Variants in RPS6KC1 observed in about 807,000 individuals in gnomAD.
RPS6KC1 encodes ribosomal protein S6 kinase C1.
In RPS6KC1, 54 loss-of-function variants were observed where a neutral mutation model predicts 103.8. The ratio of observed to expected loss-of-function variants is 0.52; its 90% CI spans 0.42 to 0.65. The LOEUF (loss-of-function observed/expected upper bound fraction) is 0.65. Ranked by LOEUF, RPS6KC1 falls within the 30% of genes least tolerant of loss-of-function variation. The pLI is 0.00. For missense variants in RPS6KC1, 1,151 were observed against 1,253.8 expected (o/e 0.92, Z 1.24); for synonymous variants, 439 against 438.7 (o/e 1.00, Z -0.01).
chr1:213,285,770 G>T, the RPS6KC1 span, among the ~76,000 whole-genome samples: 1 of 152,104 alleles, frequency 6.6e-6, no homozygotes, highest in South Asian at 2.1e-4. Context: ...ATTAAGCTGT[G>T]GGGCTTTGGG....
the RPS6KC1 span, among the ~76,000 whole-genome samples, chr1:213,583,853 A>G: frequency 0.035 from 4,968 of 143,534 alleles, 132 homozygotes; most frequent in East Asian, 0.087. Context: ...AAAGAAAAAA[A>G]AAGAAAAAAA....
the RPS6KC1 span, among the ~76,000 whole-genome samples, chr1:213,692,408 T>G: frequency 6.8e-6 from 1 of 146,176 alleles, no homozygotes; most frequent in African/African-American, 2.5e-5. Context: ...AAAAAATAAA[T>G]AAAGTTTTAG....
At chr1:213,702,691 T>A in the RPS6KC1 span, among the ~76,000 whole-genome samples, 2 of 152,080 alleles carry the variant, frequency 1.3e-5, no homozygotes, top group Non-Finnish European at 2.9e-5. Context: ...TTCTTACAAT[T>A]TTTTTCTTGA....
chr1:213,834,678 A>G, the RPS6KC1 span, among the ~76,000 whole-genome samples: 1 of 151,562 alleles, frequency 6.6e-6, no homozygotes, highest in African/African-American at 2.4e-5. Flanking sequence ...TCACCTCCAT[A>G]GAGCCCTTCT....
intron 6 of RPS6KC1, among the ~76,000 whole-genome samples, chr1:213,136,487 T>C (rs778659260): frequency 1.6e-4 from 24 of 152,146 alleles, no homozygotes; most frequent in Non-Finnish European, 2.6e-4. Flanking sequence ...CATTGAAATG[T>C]TATCTTCTGC....
At chr1:213,075,498 A>C (rs183534846) in intron 2 of RPS6KC1, among the ~76,000 whole-genome samples, 3 of 152,294 alleles carry the variant, frequency 2.0e-5, no homozygotes, top group Non-Finnish European at 4.4e-5. Flanking sequence ...AAGCTAATAG[A>C]TCCTGCTCAG....
chr1:213,240,255 T>TC (rs1429275896), intron 10 of RPS6KC1, among the ~76,000 whole-genome samples: 1 of 152,128 alleles, frequency 6.6e-6, no homozygotes, highest in African/African-American at 2.4e-5. Flanking sequence ...TGTTGATTTT[T>TC]CCCCCCATTG....
the RPS6KC1 span, among the ~76,000 whole-genome samples, chr1:213,772,877 T>C: frequency 1.6e-4 from 24 of 152,324 alleles, no homozygotes; most frequent in Non-Finnish European, 3.5e-4. Flanking sequence ...CTCTCTGCTA[T>C]AAACTGCCTG....
At chr1:213,420,366 GGGATATGATGTGAGGCCCAGAGCAGA>G in the RPS6KC1 span, among the ~76,000 whole-genome samples, 1 of 152,178 alleles carries the variant, frequency 6.6e-6, no homozygotes, top group East Asian at 1.9e-4. Flanking sequence ...TGTGGGGTAT[GGGATATGATGTGAGGCCCAGAGCAGA>G]GGTGCACTCC....
chr1:213,375,212 T>C, the RPS6KC1 span, among the ~76,000 whole-genome samples: 1 of 151,494 alleles, frequency 6.6e-6, no homozygotes, highest in Non-Finnish European at 1.5e-5. Context: ...CACATATACA[T>C]ACATACATAT....
At chr1:213,479,528 T>A in the RPS6KC1 span, among the ~76,000 whole-genome samples, 3 of 152,210 alleles carry the variant, frequency 2.0e-5, no homozygotes, top group Middle Eastern at 6.8e-3. Flanking sequence ...TTCTCATTTG[T>A]TAACTGCCTG....
At chr1:213,706,719 C>A in the RPS6KC1 span, among the ~76,000 whole-genome samples, 4 of 152,036 alleles carry the variant, frequency 2.6e-5, no homozygotes, top group Admixed American at 1.3e-4. Flanking sequence ...CGTTGACAGG[C>A]CCCAGTGTGT....
the RPS6KC1 span, among the ~76,000 whole-genome samples, chr1:213,630,031 T>C: frequency 1.3e-5 from 2 of 152,254 alleles, no homozygotes; most frequent in African/African-American, 4.8e-5. Flanking sequence ...TTCCTTCATT[T>C]CAACTTTGGT....
At chr1:213,794,813 C>T in the RPS6KC1 span, among the ~76,000 whole-genome samples, 1 of 152,150 alleles carries the variant, frequency 6.6e-6, no homozygotes, top group Non-Finnish European at 1.5e-5. Context: ...ACAGTCAAGC[C>T]ATAGTGACCT....
At chr1:213,372,074 C>T in the RPS6KC1 span, among the ~76,000 whole-genome samples, 1 of 152,200 alleles carries the variant, frequency 6.6e-6, no homozygotes. Context: ...TGTGCAGCTC[C>T]CAGGAATTCT....
chr1:213,154,061 T>C (rs1050920288), intron 6 of RPS6KC1, among the ~76,000 whole-genome samples: 6 of 152,190 alleles, frequency 3.9e-5, no homozygotes, highest in African/African-American at 1.4e-4. Flanking sequence ...AGAATTCTCT[T>C]GATTACCAGT....
the RPS6KC1 span, among the ~76,000 whole-genome samples, chr1:213,502,967 G>C: frequency 6.6e-6 from 1 of 152,096 alleles, no homozygotes; most frequent in Non-Finnish European, 1.5e-5. Flanking sequence ...GCTGATCAGA[G>C]TAGGCTTAAT....
chr1:213,856,977 G>A, the RPS6KC1 span, among the ~76,000 whole-genome samples: 6 of 152,140 alleles, frequency 3.9e-5, no homozygotes, highest in Non-Finnish European at 5.9e-5. Context: ...AACATGTAAC[G>A]CACATATAAC....
chr1:213,594,374 T>A, the RPS6KC1 span, among the ~76,000 whole-genome samples: 1 of 152,252 alleles, frequency 6.6e-6, no homozygotes, highest in Admixed American at 6.5e-5. Flanking sequence ...GAAATGATAA[T>A]GTTTTGGATA....
Sources: gnomAD v4.1 joint callset for allele counts (sites outside exome capture counted in the v4.1 genomes callset) on GRCh38, gnomAD v4.1.1 for gene constraint, MANE v1.5 for transcripts, NCBI Gene and HGNC (gene_info 2026-07-23, HGNC 2026-07-21) for gene names.